IYD: variants seen among roughly 807,000 people sequenced by gnomAD.
IYD encodes the protein iodotyrosine deiodinase 1.
A neutral mutation model predicts 28.4 loss-of-function variants in IYD; 25 were observed. The observed-to-expected ratio is 0.88, with a 90% CI of 0.64 to 1.23. The LOEUF is 1.23. Ranked by LOEUF, IYD falls within the 50% of genes most tolerant of loss-of-function variation. The probability of loss-of-function intolerance (pLI) is 0.00; values close to 1 mark genes in which losing one functional copy is unlikely to be tolerated. For synonymous variants in IYD, 140 were observed against 130.8 expected (o/e 1.07, Z -0.48); for missense variants, 352 against 357.9 (o/e 0.98, Z 0.13).
intron 1 of IYD, among the ~76,000 whole-genome samples, chr6:150,382,948 A>G (rs565331533): frequency 6.6e-6 from 1 of 152,284 alleles, no homozygotes; most frequent in East Asian, 1.9e-4. Context: ...TCTGATGCCC[A>G]TAGTTTTTTA....
chr6:150,381,733 A>T (rs1215326294), intron 1 of IYD, among the ~76,000 whole-genome samples: 1 of 152,202 alleles, frequency 6.6e-6, no homozygotes, highest in Non-Finnish European at 1.5e-5. Flanking sequence ...AAACATTAAA[A>T]TTATACTGTT....
intron 1 of IYD, among the ~76,000 whole-genome samples, chr6:150,382,027 T>C (rs775332323): frequency 6.6e-6 from 1 of 152,214 alleles, no homozygotes; most frequent in Non-Finnish European, 1.5e-5. Flanking sequence ...GGCCTGATGA[T>C]GTACCACGCA....
intron 1 of IYD, among the ~76,000 whole-genome samples, chr6:150,378,268 C>G (rs11969662): frequency 4.1e-5 from 6 of 145,904 alleles, no homozygotes; most frequent in Non-Finnish European, 3.0e-5. Flanking sequence ...CATGCTGGTG[C>G]GCTGCACCCA....
At chr6:150,387,887 GATTTAT>G (rs1362126879) in intron 1 of IYD, among the ~76,000 whole-genome samples, 4 of 151,338 alleles carry the variant, frequency 2.6e-5, no homozygotes, top group African/African-American at 7.3e-5. Flanking sequence ...GTACCCTACA[GATTTAT>G]ATAAGCTTGT....
chr6:150,395,529 C>G (rs1214801708), intron 4 of IYD: 1 of 1,537,182 alleles, frequency 6.5e-7, no homozygotes, highest in African/African-American at 1.4e-5. Flanking sequence ...GAAGAAGCAG[C>G]GAAGCCTGCA....
chr6:150,372,252 G>A (rs976869433), intron 1 of IYD, among the ~76,000 whole-genome samples: 1 of 151,914 alleles, frequency 6.6e-6, no homozygotes, highest in African/African-American at 2.4e-5. Flanking sequence ...CGGCATGTGT[G>A]TGTGTGGGTG....
At chr6:150,384,905 A>G (rs1777805151) in intron 1 of IYD, 1 of 152,138 alleles carries the variant, frequency 6.6e-6, no homozygotes, top group Admixed American at 6.5e-5. Flanking sequence ...AGTGCACTAG[A>G]CACATCATCC....
chr6:150,380,505 T>C (rs685819), intron 1 of IYD, among the ~76,000 whole-genome samples: 87,085 of 152,052 alleles, frequency 0.57, 25,365 homozygotes, highest in African/African-American at 0.66. Context: ...ACCCAAGGGT[T>C]AGCTGAGCTC....
At chr6:150,393,032 G>T (rs1198425866) in intron 3 of IYD, among the ~76,000 whole-genome samples, 3 of 152,204 alleles carry the variant, frequency 2.0e-5, no homozygotes, top group Non-Finnish European at 4.4e-5. Context: ...GTGCTCTGTG[G>T]AGGGAATGGA....
At chr6:150,373,407 T>G (rs946641842) in intron 1 of IYD, among the ~76,000 whole-genome samples, 10 of 152,008 alleles carry the variant, frequency 6.6e-5, no homozygotes, top group African/African-American at 2.4e-4. Context: ...CAACCAGGGG[T>G]GCACTCACTC....
At chr6:150,386,031 G>A (rs546849815) in intron 1 of IYD, among the ~76,000 whole-genome samples, 2 of 151,896 alleles carry the variant, frequency 1.3e-5, no homozygotes, top group African/African-American at 2.4e-5. Flanking sequence ...CTTGACAGAC[G>A]ATTGCCAATT....
chr6:150,395,302 T>C, intron 4 of IYD: 1 of 751,996 alleles, frequency 1.3e-6, no homozygotes, highest in Non-Finnish European at 2.0e-6. Flanking sequence ...GACAATGGAT[T>C]AAAAAAAAAA....
intron 1 of IYD, among the ~76,000 whole-genome samples, chr6:150,386,757 C>G (rs76991271): frequency 6.6e-6 from 1 of 151,630 alleles, no homozygotes; most frequent in Non-Finnish European, 1.5e-5. Flanking sequence ...ATAAACTGAC[C>G]CTTTTTATTA....
At chr6:150,369,774 G>A (rs778204720) in intron 1 of IYD, among the ~76,000 whole-genome samples, 7 of 152,134 alleles carry the variant, frequency 4.6e-5, no homozygotes, top group Non-Finnish European at 1.0e-4. Flanking sequence ...GGAGTTTGAC[G>A]GTGCAGTCAG....
At chr6:150,370,876 G>T (rs534335624) in intron 1 of IYD, among the ~76,000 whole-genome samples, 39 of 152,338 alleles carry the variant, frequency 2.6e-4, no homozygotes, top group African/African-American at 8.2e-4. Flanking sequence ...GGAAGATGTT[G>T]AGTTCCATCG....
Position 150,404,536 on chromosome 6 carries a change from T to C in IYD, c.*6299T>C, listed in dbSNP as rs1200235914. The C allele has an allele frequency of 6.6e-6, 1 of 152,210 alleles. No individual in the cohort carries two copies. The highest frequency in any genetic ancestry group is 1.5e-5 in the Non-Finnish European group (1 of 68,046). 9.4% of individuals were successfully genotyped at this position (152,210 alleles called of 1,614,324 possible). A position where few individuals can be genotyped will look rare whatever the true frequency, so the allele number is the denominator to read the frequency against. On this transcript the variant is annotated 3_prime_UTR_variant, in exon 5 of 5. Coordinates refer to ENST00000344419, the MANE Select transcript of IYD (RefSeq NM_203395.3). ...GGTTATAATCTTGTCATATCAATGA[T>C]TTGAAGTGCTAAAATAGAAAATTAA...
At chr6:150,383,802 A>AC (rs1460216918) in intron 1 of IYD, among the ~76,000 whole-genome samples, 117 of 91,680 alleles carry the variant, frequency 1.3e-3, no homozygotes, top group Non-Finnish European at 2.0e-3. Flanking sequence ...CTAAAAAAAA[A>AC]AAAAAACAAA....
At chr6:150,388,686 CTTT>C (rs1777992889) in intron 1 of IYD, among the ~76,000 whole-genome samples, 1 of 43,478 alleles carries the variant, frequency 2.3e-5, no homozygotes, top group African/African-American at 9.6e-5. Flanking sequence ...TTTCTTTCTT[CTTT>C]CCTTCCTTCC....
Position 150,369,082 on chromosome 6 carries a change from G to C in IYD, c.51G>C (p.Val17=). 6.2e-7 allele frequency: 1 copy of C among 1,614,008 alleles called. No homozygotes were observed. The highest frequency in any genetic ancestry group is 1.1e-5 in the South Asian group (1 of 91,070). Residue 17 remains valine, a synonymous_variant, in exon 1 of 5, where the codon GTG becomes GTC. Transcript: ENST00000344419. ...TAGCCATTCTCTGCATTTTGGTTGT[G>C]TGGATCTTTAAAAATGCCGACAGAA... ...ILVAILCILV[V]WIFKNADRSM...
Sources: gnomAD v4.1 joint callset for allele counts (sites outside exome capture counted in the v4.1 genomes callset) on GRCh38, gnomAD v4.1.1 for gene constraint, MANE v1.5 for transcripts, NCBI Gene and HGNC (gene_info 2026-07-23, HGNC 2026-07-21) for gene names.